The following NR2C2 variants were observed in gnomAD, a reference collection of about 807,000 sequenced individuals.
NR2C2 encodes nuclear receptor subfamily 2 group C member 2.
Under a neutral mutation model 62.9 loss-of-function variants are expected in NR2C2, and 6 were observed. The ratio of observed to expected loss-of-function variants is 0.10; its 90% CI spans 0.05 to 0.19. NR2C2 has a LOEUF of 0.19. Ranked by LOEUF, NR2C2 falls within the 10% of genes least tolerant of loss-of-function variation. NR2C2 has a pLI of 1.00. For synonymous variants in NR2C2, 272 were observed against 273.8 expected, an observed-to-expected ratio of 0.99 and a Z score of 0.07; for missense variants, 479 against 762.7, an observed-to-expected ratio of 0.63 and a Z score of 4.38.
intron 1 of NR2C2, among the ~76,000 whole-genome samples, chr3:14,963,350 A>G (rs1283570272): frequency 1.3e-5 from 2 of 152,252 alleles, no homozygotes; most frequent in African/African-American, 4.8e-5. Context: ...GTAATTAGCC[A>G]AAGGCACTGT....
At chr3:15,038,580 G>A (rs192647003) in intron 12 of NR2C2, 2 of 165,842 alleles carry the variant, frequency 1.2e-5, no homozygotes, top group East Asian at 3.4e-4. Context: ...GTTCGCAGGA[G>A]ATGAAGAGGC....
intron 1 of NR2C2, among the ~76,000 whole-genome samples, chr3:14,981,602 C>CAAAA (rs927608192): frequency 5.3e-5 from 2 of 37,660 alleles, no homozygotes; most frequent in East Asian, 6.9e-4. Flanking sequence ...GGCTCTGTCT[C>CAAAA]AAAAAAAAAA....
At chr3:14,969,319 C>T (rs2039967646) in intron 1 of NR2C2, among the ~76,000 whole-genome samples, 1 of 146,386 alleles carries the variant, frequency 6.8e-6, no homozygotes, top group Non-Finnish European at 1.5e-5. Flanking sequence ...GGTCTCGGCT[C>T]ACTGCAACAA....
intron 1 of NR2C2, among the ~76,000 whole-genome samples, chr3:14,980,701 A>T (rs1283136318): frequency 6.6e-6 from 1 of 152,256 alleles, no homozygotes; most frequent in African/African-American, 2.4e-5. Flanking sequence ...ACAGGATTTC[A>T]TCTTAAAAAT....
At chr3:15,038,855 G>A in intron 12 of NR2C2, 1 of 353,198 alleles carries the variant, frequency 2.8e-6, no homozygotes, top group East Asian at 4.1e-5. Context: ...TAGGGTAGTA[G>A]GAAGCCAGAT....
At chr3:15,021,783 C>G (rs966357835) in intron 5 of NR2C2, among the ~76,000 whole-genome samples, 2 of 152,230 alleles carry the variant, frequency 1.3e-5, no homozygotes, top group African/African-American at 4.8e-5. Context: ...TCTAGGAACT[C>G]TGAAAACCAA....
chr3:14,959,862 T>C (rs887188876), intron 1 of NR2C2, among the ~76,000 whole-genome samples: 2 of 152,192 alleles, frequency 1.3e-5, no homozygotes, highest in African/African-American at 2.4e-5. Flanking sequence ...CCTACAGTTA[T>C]ATCCACATAT....
At chr3:14,982,498 ATTTAT>A (rs1475323640) in intron 1 of NR2C2, among the ~76,000 whole-genome samples, 1 of 152,130 alleles carries the variant, frequency 6.6e-6, no homozygotes, top group African/African-American at 2.4e-5. Flanking sequence ...AAATCTTTCA[ATTTAT>A]TTAAGTTTTC....
At chr3:14,950,267 A>G (rs1466865284) in intron 1 of NR2C2, among the ~76,000 whole-genome samples, 1 of 152,134 alleles carries the variant, frequency 6.6e-6, no homozygotes, top group Admixed American at 6.5e-5. Flanking sequence ...CCAGGACAAA[A>G]GTTTGGAAAA....
chr3:14,953,709 C>T (rs2039436162), intron 1 of NR2C2, among the ~76,000 whole-genome samples: 1 of 152,120 alleles, frequency 6.6e-6, no homozygotes, highest in Admixed American at 6.5e-5. Flanking sequence ...GCCTGGCCAA[C>T]ATAGTGAAAC....
At chr3:14,966,118 G>T (rs1344643287) in intron 1 of NR2C2, among the ~76,000 whole-genome samples, 1 of 152,222 alleles carries the variant, frequency 6.6e-6, no homozygotes, top group Non-Finnish European at 1.5e-5. Context: ...ATGCTAAGTA[G>T]TAATGGAGTG....
Position 14,994,942 on chromosome 3 carries a change from T to C in NR2C2, c.-39-8934T>C, listed in dbSNP as rs117328134. ...AAAAAAGAAAAGAAAAATTCACAGC[T>C]CTATTAAGATATAATTCATATACCA... On this transcript the variant is annotated intron_variant, in intron 1 of 13. Transcript: ENST00000425241. 6.0e-4 allele frequency among the ~76,000 whole-genome samples: 88 copies of C among 147,718 alleles called. 1 individual carries two copies. The East Asian group carries it at 0.017, about 29-fold the overall frequency.
At chr3:14,992,282 C>T (rs2040693715) in intron 1 of NR2C2, among the ~76,000 whole-genome samples, 1 of 151,982 alleles carries the variant, frequency 6.6e-6, no homozygotes, top group African/African-American at 2.4e-5. Context: ...TCCTCAGCAG[C>T]CTCATAAACC....
chr3:14,952,703 T>G (rs1410908931), intron 1 of NR2C2, among the ~76,000 whole-genome samples: 1 of 152,244 alleles, frequency 6.6e-6, no homozygotes, highest in African/African-American at 2.4e-5. Context: ...TCTTCCTTAT[T>G]CGTTGGAGGT....
In NR2C2 at chr3:14,947,801, G is replaced by C. The variant is rs1253296063; in HGVS notation, c.-145G>C. The C allele has an allele frequency of 6.8e-6, 1 of 147,202 alleles. No individual in the cohort carries two copies. Among genetic ancestry groups the C allele is most frequent in the African/African-American group, 2.5e-5 (1 of 40,336 alleles). The allele number at this position is 147,202 out of a possible 1,614,324, so 9.1% of individuals were successfully genotyped here. ...CGCGGCCCCCGGGCTCCCGCCATCC[G>C]CCGACACCGGGAGCCCGGGCTCCCC... On this transcript the variant is annotated 5_prime_UTR_variant, in exon 1 of 14. Coordinates refer to ENST00000425241, the MANE Select transcript of NR2C2 (RefSeq NM_001291694.2).
At chr3:15,032,257 C>A in intron 9 of NR2C2, 122 bp from the exon 10 acceptor site, 1 of 1,388,412 alleles carries the variant, frequency 7.2e-7, no homozygotes, top group Non-Finnish European at 1.0e-6. Context: ...CATGGGACTT[C>A]AGAATCAGAC....
chr3:14,982,293 A>C (rs1416664231), intron 1 of NR2C2, among the ~76,000 whole-genome samples: 9 of 152,056 alleles, frequency 5.9e-5, no homozygotes, highest in African/African-American at 1.9e-4. Context: ...GTGGTCTGCA[A>C]CTCCTGGGCT....
intron 1 of NR2C2, among the ~76,000 whole-genome samples, chr3:14,980,929 AT>A (rs2040348177): frequency 2.0e-5 from 3 of 152,256 alleles, no homozygotes; most frequent in Non-Finnish European, 4.4e-5. Context: ...TCTGGCCAGT[AT>A]ACTTTGCATT....
At chr3:15,040,858 GTCC>G (rs1473527511) in intron 13 of NR2C2, among the ~76,000 whole-genome samples, 1 of 152,186 alleles carries the variant, frequency 6.6e-6, no homozygotes, top group Non-Finnish European at 1.5e-5. Context: ...CAGTCAGGTT[GTCC>G]TCCTAGGAGG....
Sources: allele counts gnomAD v4.1 joint callset (sites outside exome capture counted in the v4.1 genomes callset), GRCh38; gene constraint gnomAD v4.1.1; transcripts MANE v1.5; gene names NCBI Gene and HGNC (gene_info 2026-07-23, HGNC 2026-07-21).